ERBB4: variants seen among roughly 807,000 people sequenced by gnomAD.
ERBB4 encodes receptor tyrosine-protein kinase erbB-4.
ERBB4 carries 42 observed loss-of-function variants against 158.0 expected under a neutral mutation model. The observed-to-expected ratio is 0.27, with a 90% CI of 0.21 to 0.34. ERBB4 has a LOEUF of 0.34. ERBB4 is among the 10% of genes least tolerant of loss of function. ERBB4 has a pLI of 1.00. For synonymous variants in ERBB4, 583 were observed against 558.7 expected, an observed-to-expected ratio of 1.04 and a Z score of -0.61; for missense variants, 1,333 against 1,624.1, an observed-to-expected ratio of 0.82 and a Z score of 3.08.
chr2:212,032,328 G>T (rs1041580146), intron 2 of ERBB4, among the ~76,000 whole-genome samples: 1 of 152,094 alleles, frequency 6.6e-6, no homozygotes, highest in African/African-American at 2.4e-5. Flanking sequence ...TATGTGTCAA[G>T]TTAATTTGCC....
At chr2:211,757,240 C>A (rs2106229182) in intron 4 of ERBB4, among the ~76,000 whole-genome samples, 1 of 152,218 alleles carries the variant, frequency 6.6e-6, no homozygotes, top group East Asian at 1.9e-4. Context: ...TATCCTGCCT[C>A]TTAATTTGAA....
intron 5 of ERBB4, among the ~76,000 whole-genome samples, chr2:211,737,577 A>G (rs1476333569): frequency 6.6e-6 from 1 of 152,158 alleles, no homozygotes; most frequent in East Asian, 1.9e-4. Context: ...TTTTCACTTT[A>G]CGTAATAGCT....
At chr2:212,517,828 T>A (rs957881922) in intron 1 of ERBB4, among the ~76,000 whole-genome samples, 2 of 152,098 alleles carry the variant, frequency 1.3e-5, no homozygotes. Context: ...GTTATTTATT[T>A]ATACAGAAAT....
At position 211,681,058 on chromosome 2, in the gene ERBB4, CT is replaced by C. The variant is rs1574975577; in HGVS notation, c.1490-1875del. Among the ~76,000 whole-genome samples, 8 of 152,242 alleles carry C rather than the reference CT, an allele frequency of 5.3e-5. 1 individual carries two copies. Among genetic ancestry groups the C allele is most frequent in the Admixed American group, 6.5e-5 (1 of 15,288 alleles). On this transcript the variant is annotated intron_variant, in intron 12 of 27. Coordinates refer to ENST00000342788, the MANE Select transcript of ERBB4 (RefSeq NM_005235.3). ...TTATTGGTCTGCTTTCTGTTACTCA[CT>C]GTACATTAGTTTGCATTTTCTATAA...
chr2:212,191,259 A>G (rs2082178693), intron 1 of ERBB4, among the ~76,000 whole-genome samples: 1 of 152,072 alleles, frequency 6.6e-6, no homozygotes, highest in Non-Finnish European at 1.5e-5. Flanking sequence ...TGCATTTCTA[A>G]CCATTCCCCA....
chr2:211,634,808 G>T (rs1219709782), intron 16 of ERBB4, among the ~76,000 whole-genome samples: 1 of 152,182 alleles, frequency 6.6e-6, no homozygotes, highest in Non-Finnish European at 1.5e-5. Context: ...TTCTGGAGGA[G>T]CTGGGATTAC....
intron 25 of ERBB4, among the ~76,000 whole-genome samples, chr2:211,411,491 T>C (rs780617721): frequency 9.2e-5 from 14 of 152,204 alleles, no homozygotes; most frequent in Non-Finnish European, 2.1e-4. Flanking sequence ...AAATCTATAA[T>C]ACATAAGGAG....
chr2:212,021,539 A>C (rs116584210), intron 2 of ERBB4, among the ~76,000 whole-genome samples: 4,027 of 152,226 alleles, frequency 0.026, 66 homozygotes, highest in South Asian at 0.038. Flanking sequence ...TGAAACTGGA[A>C]TCCATTTCTC....
In ERBB4 at chr2:212,449,688, C is replaced by T. The variant is rs557412966; in HGVS notation, c.82+88761G>A. Reference sequence around the variant, plus strand: ...ATTCACATTGCATTAATTTTTGACCCACAAGGGCAAAAAGTATCAAATTCT... The same window carrying T: ...ATTCACATTGCATTAATTTTTGACCTACAAGGGCAAAAAGTATCAAATTCT... On this transcript the variant is annotated intron_variant, in intron 1 of 27. Transcript: ENST00000342788. 1.8e-3 allele frequency among the ~76,000 whole-genome samples: 279 copies of T among 151,970 alleles called. 1 individual carries two copies. Among genetic ancestry groups the T allele is most frequent in the Non-Finnish European group, 2.9e-3 (194 of 67,932 alleles).
At chr2:211,890,129 G>A (rs2078923638) in intron 3 of ERBB4, among the ~76,000 whole-genome samples, 1 of 81,884 alleles carries the variant, frequency 1.2e-5, no homozygotes, top group African/African-American at 5.3e-5. Context: ...TGAAATGAAG[G>A]AAAAAATGTT....
At position 211,487,239 on chromosome 2, in the gene ERBB4, A is replaced by G. The variant is rs548931310; in HGVS notation, c.2488-56139T>C. Reference sequence around the variant, plus strand: ...TCAATTCCCACCTATGAGTGAGAACATGCGGTGTTTGGTTTTTTGTCCTTG... The same window carrying G: ...TCAATTCCCACCTATGAGTGAGAACGTGCGGTGTTTGGTTTTTTGTCCTTG... On this transcript the variant is annotated intron_variant, in intron 20 of 27. Coordinates refer to ENST00000342788, the MANE Select transcript of ERBB4 (RefSeq NM_005235.3). Among the ~76,000 whole-genome samples, 46 of 148,502 alleles carry G rather than the reference A, an allele frequency of 3.1e-4. 1 individual carries two copies. Among genetic ancestry groups the G allele is most frequent in the Admixed American group, 2.7e-3 (40 of 14,550 alleles).
intron 1 of ERBB4, among the ~76,000 whole-genome samples, chr2:212,416,218 A>G (rs2135155): frequency 0.16 from 24,283 of 152,182 alleles, 2,537 homozygotes; most frequent in Non-Finnish European, 0.23. Flanking sequence ...ACCCATACCT[A>G]TTTATCTGCC....
At chr2:211,944,191 A>AC (rs375372700) in intron 3 of ERBB4, among the ~76,000 whole-genome samples, 2,874 of 85,972 alleles carry the variant, frequency 0.033, 80 homozygotes, top group African/African-American at 0.075. Context: ...ATATATATAT[A>AC]TATATATACT....
intron 3 of ERBB4, among the ~76,000 whole-genome samples, chr2:211,836,094 T>C (rs371926061): frequency 6.6e-6 from 1 of 152,088 alleles, no homozygotes; most frequent in African/African-American, 2.4e-5. Flanking sequence ...TAAAAATAGG[T>C]TGTATAATAT....
In ERBB4 at chr2:212,242,285, C is replaced by T. The variant is rs765961110; in HGVS notation, c.83-117382G>A. On this transcript the variant is annotated intron_variant, in intron 1 of 27. Transcript: ENST00000342788. ...TTTTATTGATTTGATCAAGTAGTTC[C>T]GAGTCCTAGTTATAATTTTAAAATA... is the stretch of plus-strand genomic sequence containing the variant. 8.6e-5 allele frequency among the ~76,000 whole-genome samples: 13 copies of T among 151,808 alleles called. 1 individual carries two copies. The highest frequency in any genetic ancestry group is 3.9e-4 in the Admixed American group (6 of 15,244).
chr2:212,021,976 C>T (rs1375488783), intron 2 of ERBB4, among the ~76,000 whole-genome samples: 3 of 152,046 alleles, frequency 2.0e-5, no homozygotes, highest in African/African-American at 4.8e-5. Flanking sequence ...AATGAGATAC[C>T]ATCTTACACC....
At chr2:212,002,784 C>T (rs1267592282) in intron 2 of ERBB4, among the ~76,000 whole-genome samples, 3 of 151,876 alleles carry the variant, frequency 2.0e-5, no homozygotes, top group South Asian at 2.1e-4. Flanking sequence ...GTCAGCTGGG[C>T]GGGGTGGCTC....
At chr2:212,285,284 A>G (rs1297970095) in intron 1 of ERBB4, among the ~76,000 whole-genome samples, 4 of 152,106 alleles carry the variant, frequency 2.6e-5, no homozygotes, top group Admixed American at 6.6e-5. Context: ...TAACTCAGAA[A>G]GACATCCATG....
intron 3 of ERBB4, among the ~76,000 whole-genome samples, chr2:211,823,430 G>T (rs2077035922): frequency 6.6e-6 from 1 of 151,472 alleles, no homozygotes. Context: ...ATTTTTTAAT[G>T]AAAAATATAA....
Sources: allele counts gnomAD v4.1 joint callset (sites outside exome capture counted in the v4.1 genomes callset), GRCh38; gene constraint gnomAD v4.1.1; transcripts MANE v1.5; gene names NCBI Gene and HGNC (gene_info 2026-07-23, HGNC 2026-07-21).